The following IGF1R variants were observed in gnomAD, a reference collection of about 807,000 sequenced individuals.
IGF1R encodes insulin like growth factor 1 receptor.
IGF1R carries 44 observed loss-of-function variants against 144.6 expected under a neutral mutation model. That is an observed-to-expected ratio of 0.30 (90% confidence interval 0.24 to 0.39). IGF1R has a LOEUF of 0.39. Among genes scored for constraint, IGF1R ranks in the 10% least tolerant of loss-of-function variants. The pLI is 1.00. For synonymous variants in IGF1R, 795 were observed against 722.8 expected (o/e 1.10, Z -1.60); for missense variants, 1,355 against 1,833.7 (o/e 0.74, Z 4.77).
chr15:98,888,181 G>A (rs537024002), intron 2 of IGF1R, among the ~76,000 whole-genome samples: 94 of 152,334 alleles, frequency 6.2e-4, no homozygotes, highest in Admixed American at 1.2e-3. Flanking sequence ...TGTGTCGTCC[G>A]TTCCCTGGGG....
chr15:98,865,159 T>C (rs974457644), intron 2 of IGF1R, among the ~76,000 whole-genome samples: 1 of 152,202 alleles, frequency 6.6e-6, no homozygotes, highest in African/African-American at 2.4e-5. Flanking sequence ...ATATACTATA[T>C]AGCTTTTGAA....
At chr15:98,730,090 TGA>T (rs754220264) in intron 2 of IGF1R, among the ~76,000 whole-genome samples, 1 of 152,214 alleles carries the variant, frequency 6.6e-6, no homozygotes, top group Non-Finnish European at 1.5e-5. Context: ...ATGTCTGTGT[TGA>T]GTTTTCTGTT....
intron 2 of IGF1R, among the ~76,000 whole-genome samples, chr15:98,790,055 G>A (rs1288383059): frequency 6.6e-6 from 1 of 152,200 alleles, no homozygotes. Flanking sequence ...TGTGAAGGAA[G>A]CTCTGTTCAA....
chr15:98,827,536 A>G (rs1354496954), intron 2 of IGF1R, among the ~76,000 whole-genome samples: 1 of 152,230 alleles, frequency 6.6e-6, no homozygotes, highest in Non-Finnish European at 1.5e-5. Flanking sequence ...AATTGGTTTA[A>G]AAGGCCATTT....
chr15:98,928,704 C>G (rs1195481594), intron 13 of IGF1R, among the ~76,000 whole-genome samples: 2 of 152,168 alleles, frequency 1.3e-5, no homozygotes, highest in African/African-American at 4.8e-5. Flanking sequence ...GTGAAGTCCA[C>G]TTTTCTAGTT....
chr15:98,764,281 G>A (rs551961647), intron 2 of IGF1R, among the ~76,000 whole-genome samples: 16 of 152,260 alleles, frequency 1.1e-4, no homozygotes, highest in African/African-American at 3.9e-4. Context: ...TAATGGAATG[G>A]AGTAATATTC....
At position 98,921,744 on chromosome 15, in the gene IGF1R, C is replaced by A. The variant is rs779074001; in HGVS notation, c.2202-404C>A. Among the ~76,000 whole-genome samples, 30 of 152,198 alleles carry A rather than the reference C, an allele frequency of 2.0e-4. 1 individual carries two copies. Among genetic ancestry groups the A allele is most frequent in the Non-Finnish European group, 3.5e-4 (24 of 68,032 alleles). On this transcript the variant is annotated intron_variant, in intron 10 of 20. Coordinates refer to ENST00000650285, the MANE Select transcript of IGF1R (RefSeq NM_000875.5). ...GGCCTCTGCCACACACCTCACCTCT[C>A]CCCTCCTGCCCTAATAAATCTTAAC...
intron 18 of IGF1R, among the ~76,000 whole-genome samples, chr15:98,939,983 A>T (rs547555147): frequency 6.6e-6 from 1 of 152,020 alleles, no homozygotes; most frequent in African/African-American, 2.4e-5. Context: ...TACTGGTTAG[A>T]CTCCCTTGTT....
intron 5 of IGF1R, among the ~76,000 whole-genome samples, chr15:98,906,182 A>G (rs1177063039): frequency 1.3e-5 from 2 of 152,248 alleles, no homozygotes; most frequent in Non-Finnish European, 2.9e-5. Context: ...TTCCTGGTTT[A>G]TAATTCATGC....
rs1476446012 is a variant in IGF1R at position 98,844,731 on chromosome 15, C to A, written c.641-46594C>A. On this transcript the variant is annotated intron_variant, in intron 2 of 20. Transcript: ENST00000650285. Reference sequence around the variant, plus strand: ...GATTATGGAAATTACCATAAATGCTCCCTTTTTCATAGATTTAGATCTGTT... The same window carrying A: ...GATTATGGAAATTACCATAAATGCTACCTTTTTCATAGATTTAGATCTGTT... Among the ~76,000 whole-genome samples, 3 of 151,938 alleles carry A rather than the reference C, an allele frequency of 2.0e-5. No individual in the cohort carries two copies. The East Asian group carries it at 5.8e-4, about 29-fold the overall frequency.
chr15:98,748,367 G>T (rs188856851), intron 2 of IGF1R, among the ~76,000 whole-genome samples: 2 of 152,182 alleles, frequency 1.3e-5, no homozygotes, highest in African/African-American at 2.4e-5. Context: ...AGAGATGGAG[G>T]TCTTGCTGTG....
intron 2 of IGF1R, among the ~76,000 whole-genome samples, chr15:98,735,869 C>T (rs1212272644): frequency 6.6e-6 from 1 of 152,158 alleles, no homozygotes; most frequent in Non-Finnish European, 1.5e-5. Flanking sequence ...CTGGCTTCTC[C>T]TTCCTTTCCT....
chr15:98,666,537 G>A (rs955656595), intron 1 of IGF1R, among the ~76,000 whole-genome samples: 3 of 152,174 alleles, frequency 2.0e-5, no homozygotes, highest in African/African-American at 7.2e-5. Context: ...CCATACAATG[G>A]AATATCATTG....
intron 1 of IGF1R, among the ~76,000 whole-genome samples, chr15:98,664,642 A>C (rs571690939): frequency 6.8e-6 from 1 of 147,698 alleles, no homozygotes; most frequent in African/African-American, 2.6e-5. Context: ...GCAGTGAGCC[A>C]AGATCGCGCC....
intron 6 of IGF1R, among the ~76,000 whole-genome samples, chr15:98,910,433 A>T (rs2014958817): frequency 6.6e-6 from 1 of 152,206 alleles, no homozygotes; most frequent in Non-Finnish European, 1.5e-5. Context: ...AGTTGCGCAC[A>T]TTTTGTCCTA....
In IGF1R at chr15:98,908,703, C is replaced by T. The variant is rs761381719; in HGVS notation, c.1266C>T (p.Val422=). The T allele has an allele frequency of 1.2e-6, 2 of 1,614,058 alleles. No individual in the cohort carries two copies. The highest frequency in any genetic ancestry group is 3.3e-5 in the Admixed American group (2 of 59,994). Residue 422 remains valine, a synonymous_variant, in exon 6 of 21, where the codon GTC becomes GTT. Transcript: ENST00000650285. ...CTTCTAGGAATTACTCCTTCTACGT[C>T]CTCGACAACCAGAACTTGCAGCAAC... is the stretch of plus-strand genomic sequence containing the variant. ...EQLEGNYSFY[V]LDNQNLQQLW...
intron 2 of IGF1R, among the ~76,000 whole-genome samples, chr15:98,876,813 G>A (rs924114608): frequency 2.0e-5 from 3 of 152,196 alleles, no homozygotes; most frequent in African/African-American, 7.2e-5. Context: ...TAACGAGAAT[G>A]TATGATTATC....
chr15:98,728,600 G>A (rs185604380), intron 2 of IGF1R, among the ~76,000 whole-genome samples: 1 of 152,248 alleles, frequency 6.6e-6, no homozygotes, highest in Non-Finnish European at 1.5e-5. Context: ...GCTCAAGCAG[G>A]TGAGCATGTT....
chr15:98,962,156 G>A lies in IGF1R; in HGVS notation c.*4714G>A, dbSNP rs2017251793. On this transcript the variant is annotated 3_prime_UTR_variant, in exon 21 of 21. Transcript: ENST00000650285. The stretch of plus-strand genomic sequence containing the variant: ...GATGGGTGAGAAGGCTAGGATGCTT[G>A]TCTAGTGTTCTTAGCTGTCACGTTG... 1 of 233,224 alleles carries A rather than the reference G, an allele frequency of 4.3e-6. No individual in the cohort carries two copies. Among genetic ancestry groups the A allele is most frequent in the Non-Finnish European group, 8.5e-6 (1 of 118,082 alleles). The allele number at this position is 233,224 out of a possible 1,614,324, so 14.4% of individuals were successfully genotyped here.
Sources: gnomAD v4.1 joint callset for allele counts (sites outside exome capture counted in the v4.1 genomes callset) on GRCh38, gnomAD v4.1.1 for gene constraint, MANE v1.5 for transcripts, NCBI Gene and HGNC (gene_info 2026-07-23, HGNC 2026-07-21) for gene names.